The following CCDC192 variants were observed in gnomAD, a reference collection of about 807,000 sequenced individuals.
CCDC192 encodes the protein coiled-coil domain containing 192.
chr5:127,846,283 G>T (rs190431217), intron 5 of CCDC192, among the ~76,000 whole-genome samples: 1,057 of 95,362 alleles, frequency 0.011, 16 homozygotes, highest in Non-Finnish European at 0.015. Context: ...AGCAAGACTC[G>T]GTCTCAAAAA....
intron 3 of CCDC192, among the ~76,000 whole-genome samples, chr5:127,788,001 G>C (rs1756648923): frequency 7.0e-6 from 1 of 143,786 alleles, no homozygotes; most frequent in Non-Finnish European, 1.5e-5. Context: ...AGAACCTCTT[G>C]AACCTGGGAG....
At chr5:127,911,889 T>C (rs1314658087) in intron 6 of CCDC192, among the ~76,000 whole-genome samples, 3 of 151,756 alleles carry the variant, frequency 2.0e-5, no homozygotes, top group East Asian at 1.9e-4. Flanking sequence ...TTTTGGGCTT[T>C]TTTAAGTTCT....
rs1226126725 is a variant in CCDC192 at position 127,737,448 on chromosome 5, G to A, written c.115-16820G>A. 2.0e-4 allele frequency among the ~76,000 whole-genome samples: 31 copies of A among 151,802 alleles called. No homozygotes were observed. In the East Asian group the frequency reaches 2.3e-3, roughly 11 times the overall value. On this transcript the variant is annotated intron_variant, in intron 2 of 6. Coordinates refer to ENST00000514853, the MANE Select transcript of CCDC192 (RefSeq NM_001317938.2). Reference sequence around the variant, plus strand: ...AGTTCTGTAGATGTCTATTAGGTCCGCTTGGTGCAGAGCTGAGTTCAATTC... The same window carrying A: ...AGTTCTGTAGATGTCTATTAGGTCCACTTGGTGCAGAGCTGAGTTCAATTC...
intron 5 of CCDC192, among the ~76,000 whole-genome samples, chr5:127,842,045 C>T (rs2127065623): frequency 6.6e-6 from 1 of 152,274 alleles, no homozygotes; most frequent in East Asian, 1.9e-4. Context: ...ACTTAGCTCC[C>T]ATTGCTTTTT....
chr5:127,763,128 C>T (rs1399708299), intron 3 of CCDC192, among the ~76,000 whole-genome samples: 1 of 152,030 alleles, frequency 6.6e-6, no homozygotes, highest in Non-Finnish European at 1.5e-5. Flanking sequence ...GTCCTCACTA[C>T]TAGTCCAGGT....
intron 2 of CCDC192, among the ~76,000 whole-genome samples, chr5:127,716,824 C>G (rs1371607287): frequency 6.6e-6 from 1 of 152,126 alleles, no homozygotes; most frequent in Admixed American, 6.5e-5. Flanking sequence ...AAGGGCTATC[C>G]CAGCTCCATA....
At chr5:127,790,285 T>G (rs905512087) in intron 3 of CCDC192, among the ~76,000 whole-genome samples, 1 of 152,190 alleles carries the variant, frequency 6.6e-6, no homozygotes, top group African/African-American at 2.4e-5. Context: ...CTTATGCCTG[T>G]ACCATCCTGT....
rs1426969555 is a variant in CCDC192 at position 127,797,245 on chromosome 5, G to C, written c.354+11G>C. 2.5e-6 allele frequency: 1 copy of C among 397,336 alleles called. No individual in the cohort carries two copies. Among genetic ancestry groups the C allele is most frequent in the Non-Finnish European group, 4.4e-6 (1 of 225,048 alleles). 24.6% of individuals were successfully genotyped at this position (397,336 alleles called of 1,614,324 possible). ...CTTGTGAAAGACCAGGTATGTTGTA[G>C]AACAAAGTCATCTTTATTTTAAAAG... On this transcript the variant is annotated intron_variant, in intron 4 of 6. Transcript: ENST00000514853.
At chr5:127,810,619 C>T (rs868148687) in intron 5 of CCDC192, among the ~76,000 whole-genome samples, 20 of 152,154 alleles carry the variant, frequency 1.3e-4, no homozygotes, top group South Asian at 4.2e-4. Flanking sequence ...AAAACAAAAG[C>T]GCATCCATGG....
At chr5:127,933,276 C>G (rs778864559) in intron 6 of CCDC192, among the ~76,000 whole-genome samples, 2 of 152,154 alleles carry the variant, frequency 1.3e-5, no homozygotes, top group African/African-American at 2.4e-5. Context: ...AGTGTCAAGA[C>G]CTGACTTATA....
chr5:127,822,430 C>G (rs1219319533), intron 5 of CCDC192, among the ~76,000 whole-genome samples: 5 of 152,108 alleles, frequency 3.3e-5, no homozygotes, highest in Admixed American at 6.5e-5. Context: ...GACTAAATCT[C>G]TATCCTCAAA....
intron 3 of CCDC192, among the ~76,000 whole-genome samples, chr5:127,790,515 C>T (rs2126954022): frequency 6.6e-6 from 1 of 151,952 alleles, no homozygotes; most frequent in South Asian, 2.1e-4. Flanking sequence ...TTATTGTTAA[C>T]CATAATTTTC....
chr5:127,820,198 A>G (rs1331888296), intron 5 of CCDC192, among the ~76,000 whole-genome samples: 5 of 152,270 alleles, frequency 3.3e-5, no homozygotes, highest in Non-Finnish European at 7.3e-5. Flanking sequence ...GTTATTCTTT[A>G]AAACAATTTT....
chr5:127,709,624 G>A (rs962523615), intron 2 of CCDC192, among the ~76,000 whole-genome samples: 7 of 152,194 alleles, frequency 4.6e-5, no homozygotes, highest in Non-Finnish European at 1.0e-4. Context: ...TTTTCAGAAA[G>A]AGTGTTTCTC....
intron 5 of CCDC192, among the ~76,000 whole-genome samples, chr5:127,807,785 G>A (rs1289053503): frequency 6.6e-6 from 1 of 152,084 alleles, no homozygotes; most frequent in Non-Finnish European, 1.5e-5. Context: ...AAAAAGCTTA[G>A]GTGAAAAGAA....
In CCDC192 at chr5:127,925,350, A is replaced by G. The variant is rs1365000263; in HGVS notation, c.536-15832A>G. Among the ~76,000 whole-genome samples the G allele has an allele frequency of 2.6e-5, 4 of 152,200 alleles. No homozygotes were observed. The East Asian group carries it at 7.7e-4, about 29-fold the overall frequency. On this transcript the variant is annotated intron_variant, in intron 6 of 6. Coordinates refer to ENST00000514853, the MANE Select transcript of CCDC192 (RefSeq NM_001317938.2). ...TTATCTTTTGTAATTTCAAGATGAA[A>G]TTGTATCTTGATATGAAAAAAATAA...
chr5:127,704,920 C>A (rs1067705), intron 1 of CCDC192, among the ~76,000 whole-genome samples: 33,888 of 151,396 alleles, frequency 0.22, 3,909 homozygotes, highest in Non-Finnish European at 0.25. Context: ...GTGACTAGTC[C>A]TCCAATTTGA....
chr5:127,826,069 A>G (rs1367871543), intron 5 of CCDC192, among the ~76,000 whole-genome samples: 2 of 152,216 alleles, frequency 1.3e-5, no homozygotes, highest in Non-Finnish European at 2.9e-5. Context: ...ATTAGCATTA[A>G]TAGTATAAGC....
At chr5:127,889,953 A>G (rs112135265) in intron 6 of CCDC192, among the ~76,000 whole-genome samples, 67 of 151,512 alleles carry the variant, frequency 4.4e-4, no homozygotes, top group African/African-American at 1.6e-3. Flanking sequence ...ACTAATCAAT[A>G]TGTCCCCTGA....
Sources: allele counts gnomAD v4.1 joint callset (sites outside exome capture counted in the v4.1 genomes callset), GRCh38; gene constraint gnomAD v4.1.1; transcripts MANE v1.5; gene names NCBI Gene and HGNC (gene_info 2026-07-23, HGNC 2026-07-21).